Variants in APP observed in about 807,000 individuals in gnomAD.
APP encodes amyloid-beta precursor protein.
APP carries 31 observed loss-of-function variants against 101.4 expected under a neutral mutation model. The observed-to-expected ratio is 0.31, with a 90% CI of 0.23 to 0.41. The LOEUF is 0.41. Among genes scored for constraint, APP ranks in the 10% least tolerant of loss-of-function variants. APP has a pLI of 1.00. For synonymous variants in APP, 366 were observed against 364.4 expected (o/e 1.00, Z -0.05); for missense variants, 839 against 1,003.7 (o/e 0.84, Z 2.22).
intron 8 of APP, among the ~76,000 whole-genome samples, chr21:25,993,547 C>T (rs1001628258): frequency 6.6e-6 from 1 of 152,228 alleles, no homozygotes; most frequent in African/African-American, 2.4e-5. Context: ...AGGACAGCAA[C>T]AGCAACTTCC....
intron 11 of APP, among the ~76,000 whole-genome samples, chr21:25,958,961 T>G (rs1013799856): frequency 9.7e-6 from 1 of 103,578 alleles, no homozygotes; most frequent in Non-Finnish European, 1.9e-5. Context: ...GAGATTGTGG[T>G]TACATAGGCT....
intron 3 of APP, among the ~76,000 whole-genome samples, chr21:26,062,826 G>T (rs1361086027): frequency 6.6e-6 from 1 of 151,812 alleles, no homozygotes; most frequent in African/African-American, 2.4e-5. Flanking sequence ...GCAATGGCAC[G>T]ATCACAGCTC....
At chr21:26,042,930 C>A (rs1191156661) in intron 5 of APP, among the ~76,000 whole-genome samples, 2 of 151,930 alleles carry the variant, frequency 1.3e-5, no homozygotes, top group Non-Finnish European at 2.9e-5. Flanking sequence ...AAAAAAATCA[C>A]TTTAATATAG....
chr21:25,945,775 C>T (rs2040788358), intron 13 of APP: 1 of 404,738 alleles, frequency 2.5e-6, no homozygotes, highest in Non-Finnish European at 5.0e-6. Flanking sequence ...GCAGCCTCAG[C>T]CACCCCAGGC....
chr21:25,931,553 A>C (rs577677161), intron 13 of APP, among the ~76,000 whole-genome samples: 2 of 152,346 alleles, frequency 1.3e-5, no homozygotes, highest in South Asian at 4.1e-4. Context: ...GAGATTATAA[A>C]AGACTAACCA....
intron 8 of APP, among the ~76,000 whole-genome samples, chr21:25,993,698 G>A (rs2042953603): frequency 6.6e-6 from 1 of 152,172 alleles, no homozygotes; most frequent in Non-Finnish European, 1.5e-5. Context: ...GTTTACACCA[G>A]GAGAGTTCTA....
At chr21:25,886,847 A>G (rs992861453) in intron 17 of APP, among the ~76,000 whole-genome samples, 9 of 152,058 alleles carry the variant, frequency 5.9e-5, no homozygotes, top group Non-Finnish European at 1.0e-4. Flanking sequence ...TACAATGCCA[A>G]CGTCAGTGCG....
At chr21:26,080,646 C>A (rs977951941) in intron 3 of APP, among the ~76,000 whole-genome samples, 4 of 151,810 alleles carry the variant, frequency 2.6e-5, no homozygotes, top group African/African-American at 9.7e-5. Flanking sequence ...TGGCAGGCAC[C>A]TGTAATCCCA....
intron 3 of APP, among the ~76,000 whole-genome samples, chr21:26,073,265 G>A (rs1211661051): frequency 6.7e-6 from 1 of 149,752 alleles, no homozygotes; most frequent in Non-Finnish European, 1.5e-5. Flanking sequence ...ATTGCAAAAG[G>A]TGGCGCGGGG....
chr21:25,989,472 A>C (rs2042772716), intron 8 of APP, among the ~76,000 whole-genome samples: 1 of 152,210 alleles, frequency 6.6e-6, no homozygotes, highest in South Asian at 2.1e-4. Context: ...TTACAGTCAC[A>C]ATGGACTCAG....
At chr21:26,143,703 C>T (rs1366729764) in intron 1 of APP, among the ~76,000 whole-genome samples, 6 of 152,226 alleles carry the variant, frequency 3.9e-5, no homozygotes, top group Admixed American at 3.9e-4. Flanking sequence ...CATCGCCTCA[C>T]TTCCCCCACA....
chr21:26,049,954 G>A (rs2146900966), intron 5 of APP, among the ~76,000 whole-genome samples: 1 of 152,294 alleles, frequency 6.6e-6, no homozygotes, highest in African/African-American at 2.4e-5. Context: ...TAACTAGGAA[G>A]GAGCTGGCTA....
At chr21:26,073,903 A>G (rs576062644) in intron 3 of APP, among the ~76,000 whole-genome samples, 1 of 152,348 alleles carries the variant, frequency 6.6e-6, no homozygotes, top group East Asian at 1.9e-4. Context: ...TATTCATGTT[A>G]AATATGCTTG....
At chr21:26,116,527 G>C (rs2062438617) in intron 1 of APP, among the ~76,000 whole-genome samples, 1 of 152,148 alleles carries the variant, frequency 6.6e-6, no homozygotes, top group Admixed American at 6.5e-5. Context: ...CTTTCAAACA[G>C]GGTGTTCCCT....
intron 1 of APP, among the ~76,000 whole-genome samples, chr21:26,152,004 C>T (rs1019042806): frequency 2.0e-5 from 3 of 152,132 alleles, no homozygotes; most frequent in African/African-American, 4.8e-5. Context: ...TGTCTGGGCA[C>T]GGTGGCTCAC....
intron 3 of APP, among the ~76,000 whole-genome samples, chr21:26,059,734 C>CA (rs969789812): frequency 1.3e-5 from 2 of 151,488 alleles, no homozygotes; most frequent in Non-Finnish European, 2.9e-5. Flanking sequence ...ACTAAAAATA[C>CA]AAAAAAATTA....
In APP at chr21:25,954,681, T is replaced by C. The variant is rs2041236662; in HGVS notation, c.1596A>G (p.Thr532=). The C allele has an allele frequency of 6.2e-7, 1 of 1,613,538 alleles. No individual in the cohort carries two copies. Among genetic ancestry groups the C allele is most frequent in the Non-Finnish European group, 8.5e-7 (1 of 1,179,606 alleles). Residue 532 remains threonine, a synonymous_variant, in exon 13 of 18, where the codon ACA becomes ACG. Coordinates refer to ENST00000346798, the MANE Select transcript of APP (RefSeq NM_000484.4). ...KAAQIRSQVM[T]HLRVIYERMN... ...TGCGCTCATAAATCACACGGAGGTG[T>C]GTCATAACCTGCATCAAAGGATGAC...
At chr21:25,997,327 C>T (rs1337611450) in intron 8 of APP, 33 bp downstream of exon 8, 2 of 1,604,132 alleles carry the variant, frequency 1.2e-6, no homozygotes, top group Non-Finnish European at 1.7e-6. Context: ...TCCTCCTCCC[C>T]TCTTCCCTTC....
chr21:25,915,931 G>C, intron 13 of APP, among the ~76,000 whole-genome samples: 1 of 151,774 alleles, frequency 6.6e-6, no homozygotes, highest in Non-Finnish European at 1.5e-5. Context: ...ACAGATTCAA[G>C]AAAAGGTACA....
Sources: gnomAD v4.1 joint callset for allele counts (sites outside exome capture counted in the v4.1 genomes callset) on GRCh38, gnomAD v4.1.1 for gene constraint, MANE v1.5 for transcripts, NCBI Gene and HGNC (gene_info 2026-07-23, HGNC 2026-07-21) for gene names.